Variants in CDAN1 observed in about 807,000 individuals in gnomAD.
The protein encoded by CDAN1 is codanin 1.
In CDAN1, 107 loss-of-function variants were observed where a neutral mutation model predicts 139.8. The ratio of observed to expected loss-of-function variants is 0.77; its 90% CI spans 0.65 to 0.90. The LOEUF (loss-of-function observed/expected upper bound fraction) is 0.90, where lower values mean the gene tolerates loss of function less well. Ranked by LOEUF, CDAN1 falls within the 40% of genes least tolerant of loss-of-function variation. The pLI is 0.00. For missense variants in CDAN1, 1,667 were observed against 1,575.7 expected (o/e 1.06, Z -0.98); for synonymous variants, 776 against 660.6 (o/e 1.17, Z -2.68).
chr15:42,733,901 T>C (rs1235277581), intron 8 of CDAN1, 37 bp downstream of exon 8: 8 of 1,450,616 alleles, frequency 5.5e-6, no homozygotes, highest in Non-Finnish European at 7.8e-6. Context: ...AAAAATGTCA[T>C]CTCATTCCCT....
intron 8 of CDAN1, 104 bp from the exon 9 acceptor site, chr15:42,733,290 T>C (rs1595860608): frequency 1.1e-6 from 1 of 874,540 alleles, no homozygotes; most frequent in South Asian, 1.4e-5. Context: ...TTTTTTTTTT[T>C]GGAGATGGAG....
Position 42,733,185 on chromosome 15 carries a change from C to G in CDAN1, c.1369G>C (p.Asp457His). 6.2e-7 allele frequency: 1 copy of G among 1,614,018 alleles called. No individual in the cohort carries two copies. Residue 457 changes from aspartate (D) to histidine (H), a missense_variant and splice_region_variant, in exon 9 of 28, where the codon GAT becomes CAT. Physicochemically the swap from Asp to His is moderately conservative, Grantham distance 81. This residue lies in a region of CDAN1 where 244 missense variants were observed against 309.4 expected (regional missense o/e 0.79). Coordinates refer to ENST00000356231, the MANE Select transcript of CDAN1 (RefSeq NM_138477.4). ...TCTCGCAGCACCTCATAAAACACAT[C>G]CCTGACGCATAAGAACGCCTGATCA... ...RAFHTFKKQR[D>H]VFYEVLREWE...
Position 42,728,715 on chromosome 15 carries a change from A to T in CDAN1, c.2741T>A (p.Leu914Gln). Residue 914 changes from leucine to glutamine, a missense_variant, in exon 20 of 28, where the codon CTG (leucine) becomes CAG (glutamine). Leu to Gln is a moderately radical substitution (Grantham distance 113). Transcript: ENST00000356231. ...CAGCTGGGAACACAAGATCTCCAAC[A>T]GCTGGGCTGGGTCTCCCCCTTCCTC... ...QGEEGGDPAQ[L>Q]LEILCSQLCP... 1.2e-6 allele frequency: 2 copies of T among 1,614,188 alleles called. No individual in the cohort carries two copies. The highest frequency in any genetic ancestry group is 1.7e-6 in the Non-Finnish European group (2 of 1,180,036).
chr15:42,735,397 C>T, intron 4 of CDAN1, 23 bp from the exon 5 acceptor site: 3 of 1,593,498 alleles, frequency 1.9e-6, no homozygotes, highest in Non-Finnish European at 2.6e-6. Flanking sequence ...AAAAAGAAAG[C>T]CCATGGTATG....
At position 42,725,135 on chromosome 15, in the gene CDAN1, A is replaced by G; in HGVS notation, c.3558+9T>C. On this transcript the variant is annotated intron_variant, in intron 27 of 27. Transcript: ENST00000356231. The stretch of plus-strand genomic sequence containing the variant: ...TCTCTCTCCACCTAAAAGACAGGAG[A>G]CTCCTTACCCCTGGCCACTGGGCCT... 1 of 1,603,530 alleles carries G rather than the reference A, an allele frequency of 6.2e-7. No homozygotes were observed. The highest frequency in any genetic ancestry group is 8.5e-7 in the Non-Finnish European group (1 of 1,170,720).
rs774350952 is a variant in CDAN1 at position 42,728,779 on chromosome 15, C to T, written c.2677G>A (p.Ala893Thr). The T allele has an allele frequency of 1.1e-5, 17 of 1,614,178 alleles. No individual in the cohort carries two copies. The Middle Eastern group carries it at 6.6e-4, about 63-fold the overall frequency. The change falls in exon 20 of 28, where the codon GCA becomes ACA. Residue 893 changes from alanine to threonine, a missense_variant. Physicochemically the swap from Ala to Thr is moderately conservative, Grantham distance 58. Transcript: ENST00000356231. Reference sequence around the variant, plus strand: ...AGCTGCTCTTGGAGAAGTGACTCTGCCTGGCGCACCAGATCTGCCACCAGT... The same window carrying T: ...AGCTGCTCTTGGAGAAGTGACTCTGTCTGGCGCACCAGATCTGCCACCAGT... ...ATLVADLVRQ[A>T]ESLLQEQLVT...
At position 42,728,760 on chromosome 15, in the gene CDAN1, T is replaced by C; in HGVS notation, c.2696A>G (p.Glu899Gly). The C allele has an allele frequency of 6.2e-7, 1 of 1,614,094 alleles. No homozygotes were observed. The highest frequency in any genetic ancestry group is 8.5e-7 in the Non-Finnish European group (1 of 1,180,010). The change falls in exon 20 of 28, where the codon GAG (glutamate) becomes GGG (glycine). Residue 899 changes from glutamate to glycine, a missense_variant. Glu to Gly is a moderately conservative substitution (Grantham distance 98, BLOSUM62 -2). This residue lies in a region of CDAN1 where 936 missense variants were observed against 844.1 expected (regional missense o/e 1.11). Transcript: ENST00000356231. ...TTCCTCTCCCTGTGTCACCAGCTGCTCTTGGAGAAGTGACTCTGCCTGGCG... is the reference window on the plus strand; with the variant it reads ...TTCCTCTCCCTGTGTCACCAGCTGCCCTTGGAGAAGTGACTCTGCCTGGCG... ...LVRQAESLLQ[E>G]QLVTQGEEGG...
chr15:42,735,306 C>G lies in CDAN1; in HGVS notation c.1012G>C (p.Val338Leu). Reference protein sequence around the residue: ...VFQLLTARRMVTAKDSDPELS... With the variant: ...VFQLLTARRMLTAKDSDPELS... Reference sequence around the variant, plus strand: ...TCAGGGTCGCTGTCCTTGGCAGTCACCATCCTCCGGGCAGTGAGGAGCTGA... The same window carrying G: ...TCAGGGTCGCTGTCCTTGGCAGTCAGCATCCTCCGGGCAGTGAGGAGCTGA... Residue 338 changes from valine to leucine, a missense_variant, in exon 5 of 28, where the codon GTG becomes CTG. Physicochemically the swap from Val to Leu is conservative, Grantham distance 32 (BLOSUM62 1). Around this residue, in one of 3 missense-constraint regions of CDAN1, gnomAD observed 244 missense variants for 309.4 expected, o/e 0.79. Coordinates refer to ENST00000356231, the MANE Select transcript of CDAN1 (RefSeq NM_138477.4). The G allele has an allele frequency of 6.2e-7, 1 of 1,610,438 alleles. No individual in the cohort carries two copies. Among genetic ancestry groups the G allele is most frequent in the Non-Finnish European group, 8.5e-7 (1 of 1,178,210 alleles).
intron 6 of CDAN1, among the ~76,000 whole-genome samples, chr15:42,734,681 G>A (rs560112000): frequency 6.6e-5 from 10 of 151,726 alleles, no homozygotes; most frequent in African/African-American, 1.5e-4. Context: ...CTGCAGTGGC[G>A]TGATCTCACT....
In CDAN1 at chr15:42,726,291, G is replaced by A. The variant is rs1182765477; in HGVS notation, c.3204+19C>T. The A allele has an allele frequency of 1.9e-6, 3 of 1,587,340 alleles. No homozygotes were observed. Among genetic ancestry groups the A allele is most frequent in the South Asian group, 1.1e-5 (1 of 88,248 alleles). On this transcript the variant is annotated intron_variant, in intron 24 of 27. Transcript: ENST00000356231. ...AGGACACAGAAAAAAGCCCCCCGGT[G>A]GCAGATGCCACAGCTCACCTGGCGG...
intron 9 of CDAN1, 34 bp downstream of exon 9, chr15:42,733,062 GC>G: frequency 6.3e-7 from 1 of 1,591,932 alleles, no homozygotes; most frequent in African/African-American, 1.3e-5. Flanking sequence ...GCTACTCATT[GC>G]CAGGAACAAG....
At chr15:42,726,661 G>C (rs2061533868) in intron 23 of CDAN1, 1 of 573,036 alleles carries the variant, frequency 1.7e-6, no homozygotes, top group Non-Finnish European at 3.1e-6. Flanking sequence ...GGCTGCCATA[G>C]CATGGGAAAC....
Position 42,726,173 on chromosome 15 carries a change from T to TG in CDAN1, c.3205-14dup, listed in dbSNP as rs779888204. The TG allele has an allele frequency of 3.3e-5, 53 of 1,612,696 alleles. No homozygotes were observed. Among genetic ancestry groups the TG allele is most frequent in the Middle Eastern group, 1.7e-4 (1 of 6,060 alleles). Reference sequence around the variant, plus strand: ...GTGGGCACAGGAACTGCGGTTGGGGTGGGGGGGAAAGAGAGACCATAGGTA... The same window carrying TG: ...GTGGGCACAGGAACTGCGGTTGGGGTGGGGGGGGAAAGAGAGACCATAGGTA... On this transcript the variant is annotated splice_polypyrimidine_tract_variant and intron_variant, in intron 24 of 27. Coordinates refer to ENST00000356231, the MANE Select transcript of CDAN1 (RefSeq NM_138477.4).
At position 42,732,427 on chromosome 15, in the gene CDAN1, G is replaced by T. The variant is rs1161792106; in HGVS notation, c.1458-19C>A. ...CATGGCCCTGAGGAATAGAAGGCAG[G>T]AATGAAGGGTGTGGAAAGGAGGGAG... On this transcript the variant is annotated intron_variant, in intron 9 of 27. Transcript: ENST00000356231. 8.1e-6 allele frequency: 13 copies of T among 1,609,244 alleles called. No homozygotes were observed. In the South Asian group the frequency reaches 1.1e-4, roughly 14 times the overall value.
At chr15:42,736,812 G>C in intron 1 of CDAN1, 32 bp from the exon 2 acceptor site, 1 of 1,493,992 alleles carries the variant, frequency 6.7e-7, no homozygotes, top group Non-Finnish European at 8.9e-7. Context: ...AGGGGCGAGA[G>C]GGTCAGCCGC....
At position 42,724,145 on chromosome 15, in the gene CDAN1, A is replaced by G. The variant is rs2061492700; in HGVS notation, c.*346T>C. 1 of 340,180 alleles carries G rather than the reference A, an allele frequency of 2.9e-6. No homozygotes were observed. Among genetic ancestry groups the G allele is most frequent in the African/African-American group, 2.1e-5 (1 of 47,172 alleles). 21.1% of individuals were successfully genotyped at this position (340,180 alleles called of 1,614,324 possible). A position where few individuals can be genotyped will look rare whatever the true frequency, so the allele number is the denominator to read the frequency against. Reference sequence around the variant, plus strand: ...CCTCTGTCATGAATTCCAAGACTACAAAGTTTTAAGAGATGCTGGGATAGC... The same window carrying G: ...CCTCTGTCATGAATTCCAAGACTACGAAGTTTTAAGAGATGCTGGGATAGC... On this transcript the variant is annotated 3_prime_UTR_variant, in exon 28 of 28. Coordinates refer to ENST00000356231, the MANE Select transcript of CDAN1 (RefSeq NM_138477.4).
chr15:42,727,449 TTCA>T (rs1566980155), intron 23 of CDAN1, among the ~76,000 whole-genome samples, 169 bp downstream of exon 23: 7 of 152,212 alleles, frequency 4.6e-5, no homozygotes, highest in Non-Finnish European at 7.3e-5. Context: ...AACCATTCAA[TTCA>T]GCTCTGCCCT....
In CDAN1 at chr15:42,728,726, G is replaced by A; in HGVS notation, c.2730C>T (p.Asp910=). 1 of 1,614,166 alleles carries A rather than the reference G, an allele frequency of 6.2e-7. No homozygotes were observed. The highest frequency in any genetic ancestry group is 1.7e-4 in the Middle Eastern group (1 of 6,060). Reference sequence around the variant, plus strand: ...ACAAGATCTCCAACAGCTGGGCTGGGTCTCCCCCTTCCTCTCCCTGTGTCA... The same window carrying A: ...ACAAGATCTCCAACAGCTGGGCTGGATCTCCCCCTTCCTCTCCCTGTGTCA... ...QLVTQGEEGG[D]PAQLLEILCS... Residue 910 remains aspartate, a synonymous_variant, in exon 20 of 28, where the codon GAC becomes GAT. Transcript: ENST00000356231.
In CDAN1 at chr15:42,734,410, C is replaced by T. The variant is rs2061659024; in HGVS notation, c.1137-64G>A. The stretch of plus-strand genomic sequence containing the variant: ...CAGACTGCAAGTAGGAAGCAAGCAC[C>T]TGCACACCACAGAGGATCTCTAAGG... On this transcript the variant is annotated intron_variant, in intron 6 of 27. Coordinates refer to ENST00000356231, the MANE Select transcript of CDAN1 (RefSeq NM_138477.4). The T allele has an allele frequency of 2.5e-6, 4 of 1,602,074 alleles. No homozygotes were observed. The South Asian group carries it at 4.4e-5, about 18-fold the overall frequency.
Sources: gnomAD v4.1 joint callset for allele counts (sites outside exome capture counted in the v4.1 genomes callset) on GRCh38, gnomAD v4.1.1 for gene constraint, gnomAD v4.1.1 regional missense constraint, MANE v1.5 for transcripts, NCBI Gene and HGNC (gene_info 2026-07-23, HGNC 2026-07-21) for gene names.